The following ILRUN variants were observed in gnomAD, a reference collection of about 807,000 sequenced individuals.
ILRUN encodes the protein inflammation and lipid regulator with UBA-like and NBR1-like domains.
A neutral mutation model predicts 33.8 loss-of-function variants in ILRUN; 3 were observed. The ratio of observed to expected loss-of-function variants is 0.09; its 90% CI spans 0.04 to 0.23. The LOEUF is 0.23. Among genes scored for constraint, ILRUN ranks in the 10% least tolerant of loss-of-function variants. ILRUN has a pLI of 1.00. For synonymous variants in ILRUN, 124 were observed against 138.9 expected, an observed-to-expected ratio of 0.89 and a Z score of 0.75; for missense variants, 210 against 375.1, an observed-to-expected ratio of 0.56 and a Z score of 3.64.
intron 3 of ILRUN, among the ~76,000 whole-genome samples, chr6:34,623,916 C>T (rs1165866909): frequency 6.6e-6 from 1 of 152,210 alleles, no homozygotes; most frequent in Non-Finnish European, 1.5e-5. Flanking sequence ...ACCGCAACCT[C>T]TGCCTCCTGG....
At chr6:34,603,843 C>A (rs1468854432) in intron 4 of ILRUN, among the ~76,000 whole-genome samples, 1 of 152,176 alleles carries the variant, frequency 6.6e-6, no homozygotes, top group Non-Finnish European at 1.5e-5. Flanking sequence ...ACGATGTACA[C>A]TGCTCTGAAC....
intron 3 of ILRUN, among the ~76,000 whole-genome samples, chr6:34,614,044 A>T (rs1761815142): frequency 6.6e-6 from 1 of 152,244 alleles, no homozygotes; most frequent in African/African-American, 2.4e-5. Context: ...ACCAGAAAGA[A>T]CTTCCACTGG....
chr6:34,668,897 G>C (rs2127376124), intron 1 of ILRUN, among the ~76,000 whole-genome samples: 1 of 148,516 alleles, frequency 6.7e-6, no homozygotes, highest in Middle Eastern at 3.5e-3. Flanking sequence ...AGGCTGGAGT[G>C]CAATGGCGTA....
chr6:34,617,016 C>G, intron 3 of ILRUN: 1 of 536,896 alleles, frequency 1.9e-6, no homozygotes, highest in Non-Finnish European at 3.6e-6. Context: ...AAGTGAGTTG[C>G]TCTGACAGAC....
rs766928985 is a variant in ILRUN, at chr6:34,696,571, C to T, written c.33G>A (p.Glu11=). ...CCAGGCAGCTGAACTTCTGCATCAG[C>T]TCCGGGTCCAGGTCTACGTCCATGC... MEGMDVDLDP[E]LMQKFSCLGT... is the part of the protein sequence containing the mutation. Residue 11 remains glutamate (E), a synonymous_variant, in exon 1 of 5, where the codon GAG becomes GAA. Transcript: ENST00000374023. 1 of 1,612,650 alleles carries T rather than the reference C, an allele frequency of 6.2e-7. No individual in the cohort carries two copies. The highest frequency in any genetic ancestry group is 8.5e-7 in the Non-Finnish European group (1 of 1,179,808).
At chr6:34,603,601 T>G (rs1316249984) in intron 4 of ILRUN, among the ~76,000 whole-genome samples, 1 of 151,994 alleles carries the variant, frequency 6.6e-6, no homozygotes, top group Non-Finnish European at 1.5e-5. Flanking sequence ...GCCACTGCAC[T>G]CCAGTCTGGG....
chr6:34,653,132 C>CAAAAAAAAAAAAAAAAAA (rs947213125), intron 2 of ILRUN, among the ~76,000 whole-genome samples: 2 of 51,522 alleles, frequency 3.9e-5, no homozygotes, highest in African/African-American at 6.2e-5. Flanking sequence ...GACCTTGTCT[C>CAAAAAAAAAAAAAAAAAA]AAAAAAAAAA....
At chr6:34,630,432 G>A (rs1304106062) in intron 3 of ILRUN, among the ~76,000 whole-genome samples, 2 of 152,090 alleles carry the variant, frequency 1.3e-5, no homozygotes, top group African/African-American at 2.4e-5. Flanking sequence ...TCGCCAGTCC[G>A]GAGTGCAGTG....
chr6:34,643,859 G>T (rs947140734), intron 3 of ILRUN, among the ~76,000 whole-genome samples: 2 of 151,978 alleles, frequency 1.3e-5, no homozygotes, highest in African/African-American at 2.4e-5. Context: ...TGAGCCAACT[G>T]CCCGGCTAAT....
At chr6:34,662,502 G>A (rs1263426018) in intron 1 of ILRUN, among the ~76,000 whole-genome samples, 1 of 152,086 alleles carries the variant, frequency 6.6e-6, no homozygotes, top group Non-Finnish European at 1.5e-5. Flanking sequence ...AGTGTCCACT[G>A]ACCAATGAAC....
Position 34,696,571 on chromosome 6 carries a change from C to G in ILRUN, c.33G>C (p.Glu11Asp). 2 of 1,612,650 alleles carry G rather than the reference C, an allele frequency of 1.2e-6. No homozygotes were observed. Among genetic ancestry groups the G allele is most frequent in the Non-Finnish European group, 1.7e-6 (2 of 1,179,808 alleles). The change falls in exon 1 of 5, where the codon GAG becomes GAC. Residue 11 changes from glutamate to aspartate, a missense_variant. Around this residue, in one of 4 missense-constraint regions of ILRUN, gnomAD observed 61 missense variants for 94.4 expected, o/e 0.65. Coordinates refer to ENST00000374023, the MANE Select transcript of ILRUN (RefSeq NM_024294.4). Reference protein sequence around the residue: MEGMDVDLDPELMQKFSCLGT... With the variant: MEGMDVDLDPDLMQKFSCLGT... Reference sequence around the variant, plus strand: ...CCAGGCAGCTGAACTTCTGCATCAGCTCCGGGTCCAGGTCTACGTCCATGC... The same window carrying G: ...CCAGGCAGCTGAACTTCTGCATCAGGTCCGGGTCCAGGTCTACGTCCATGC...
intron 1 of ILRUN, among the ~76,000 whole-genome samples, chr6:34,668,098 G>A (rs1429985833): frequency 6.6e-6 from 1 of 152,086 alleles, no homozygotes; most frequent in East Asian, 1.9e-4. Flanking sequence ...CACAATCCTT[G>A]CAAGTTATCT....
intron 1 of ILRUN, among the ~76,000 whole-genome samples, chr6:34,670,622 G>A (rs532870726): frequency 5.9e-5 from 9 of 151,954 alleles, no homozygotes; most frequent in East Asian, 3.9e-4. Context: ...AGGCTGAGGC[G>A]GGCAGCTCAC....
chr6:34,630,885 A>G (rs1762231760), intron 3 of ILRUN, among the ~76,000 whole-genome samples: 1 of 152,226 alleles, frequency 6.6e-6, no homozygotes, highest in African/African-American at 2.4e-5. Flanking sequence ...CCACAAGCTC[A>G]GAGATTATTT....
chr6:34,693,312 C>G (rs1763684238), intron 1 of ILRUN, among the ~76,000 whole-genome samples: 1 of 152,158 alleles, frequency 6.6e-6, no homozygotes, highest in African/African-American at 2.4e-5. Context: ...GCATGGATTT[C>G]TAAGAAGCTA....
intron 1 of ILRUN, among the ~76,000 whole-genome samples, chr6:34,692,769 T>A (rs188200740): frequency 2.4e-4 from 36 of 152,206 alleles, no homozygotes; most frequent in African/African-American, 8.7e-4. Flanking sequence ...TCTAAAAAAA[T>A]GTTTAAATTG....
intron 3 of ILRUN, among the ~76,000 whole-genome samples, chr6:34,630,389 T>C (rs1762222009): frequency 1.3e-5 from 2 of 152,138 alleles, no homozygotes; most frequent in African/African-American, 2.4e-5. Context: ...CTGGGCTTCT[T>C]TTGTTTTGTT....
At chr6:34,627,967 T>A (rs1030260789) in intron 3 of ILRUN, among the ~76,000 whole-genome samples, 1 of 151,598 alleles carries the variant, frequency 6.6e-6, no homozygotes. Context: ...GTCCCCGAAG[T>A]ACTGGGATTA....
chr6:34,659,295 T>C (rs1341839478), intron 1 of ILRUN, among the ~76,000 whole-genome samples: 1 of 152,224 alleles, frequency 6.6e-6, no homozygotes, highest in African/African-American at 2.4e-5. Context: ...AACACTGACA[T>C]GTTTCCTGAT....
Sources: allele counts gnomAD v4.1 joint callset (sites outside exome capture counted in the v4.1 genomes callset), GRCh38; gene constraint gnomAD v4.1.1; regional missense constraint gnomAD v4.1.1; transcripts MANE v1.5; gene names NCBI Gene and HGNC (gene_info 2026-07-23, HGNC 2026-07-21).